Variants in DLC1 observed in about 807,000 individuals in gnomAD.
The protein encoded by DLC1 is DLC1 Rho GTPase activating protein.
DLC1 carries 54 observed loss-of-function variants against 140.3 expected under a neutral mutation model. That is an observed-to-expected ratio of 0.38 (90% CI 0.31 to 0.48). The LOEUF is 0.48. DLC1 is among the 20% of genes least tolerant of loss of function. The pLI, the probability that DLC1 is intolerant of heterozygous loss-of-function variation, is 0.96. For missense variants in DLC1, 2,536 were observed against 1,907.0 expected, an observed-to-expected ratio of 1.33 and a Z score of -6.14; for synonymous variants, 986 against 728.1, an observed-to-expected ratio of 1.35 and a Z score of -5.70.
chr8:13,406,181 GT>G (rs77753653), intron 2 of DLC1, among the ~76,000 whole-genome samples: 48 of 84,946 alleles, frequency 5.7e-4, no homozygotes, highest in Middle Eastern at 7.9e-3. Flanking sequence ...TAATTTTTGT[GT>G]TTTTTTTTTT....
chr8:13,550,730 G>A (rs1013504815), intron 1 of DLC1, among the ~76,000 whole-genome samples: 1 of 152,106 alleles, frequency 6.6e-6, no homozygotes, highest in East Asian at 1.9e-4. Context: ...CATTTAAGAA[G>A]ACCAGTTACT....
chr8:13,521,334 A>G (rs1802759261), intron 1 of DLC1, among the ~76,000 whole-genome samples: 2 of 151,972 alleles, frequency 1.3e-5, no homozygotes, highest in South Asian at 4.2e-4. Flanking sequence ...GATAGGTGTG[A>G]CAAACCACCG....
chr8:13,433,363 T>C lies in DLC1; in HGVS notation c.1024-31744A>G, dbSNP rs1012797367. Reference sequence around the variant, plus strand: ...TCTTTGGAATAGGGTTTGGGGACTGTCACATTTCCACAGTGGAAACTTCTA... The same window carrying C: ...TCTTTGGAATAGGGTTTGGGGACTGCCACATTTCCACAGTGGAAACTTCTA... On this transcript the variant is annotated intron_variant, in intron 2 of 17. Coordinates refer to ENST00000276297, the MANE Select transcript of DLC1 (RefSeq NM_182643.3). Among the ~76,000 whole-genome samples the C allele has an allele frequency of 4.6e-5, 7 of 152,128 alleles. 1 individual carries two copies. The highest frequency in any genetic ancestry group is 1.0e-4 in the Non-Finnish European group (7 of 68,014).
At chr8:13,295,976 A>C (rs1831935298) in intron 5 of DLC1, among the ~76,000 whole-genome samples, 3 of 106,932 alleles carry the variant, frequency 2.8e-5, no homozygotes, top group Non-Finnish European at 5.3e-5. Flanking sequence ...TTTTGGAGAC[A>C]GAGTCTCATT....
intron 5 of DLC1, among the ~76,000 whole-genome samples, chr8:13,148,164 T>C (rs1376153487): frequency 2.6e-5 from 4 of 152,080 alleles, no homozygotes; most frequent in East Asian, 1.9e-4. Context: ...GCAGGTGACA[T>C]AGGTAAACTT....
intron 5 of DLC1, among the ~76,000 whole-genome samples, chr8:13,122,989 T>C (rs749613946): frequency 1.3e-5 from 2 of 152,168 alleles, no homozygotes; most frequent in Admixed American, 6.5e-5. Context: ...CAACTAGGCG[T>C]ACTGCCAGCA....
intron 1 of DLC1, chr8:13,584,427 G>C (rs1195229761): frequency 1.3e-5 from 2 of 152,684 alleles, no homozygotes; most frequent in East Asian, 3.9e-4. Flanking sequence ...ATCTATGGCA[G>C]TGTTGATCAT....
chr8:13,307,673 G>A (rs1245052383), intron 4 of DLC1, among the ~76,000 whole-genome samples: 2 of 152,162 alleles, frequency 1.3e-5, no homozygotes, highest in African/African-American at 2.4e-5. Flanking sequence ...GAATGTTCCT[G>A]GAGAAAGTTC....
At chr8:13,181,444 G>A (rs188868424) in intron 5 of DLC1, among the ~76,000 whole-genome samples, 26 of 150,368 alleles carry the variant, frequency 1.7e-4, no homozygotes, top group African/African-American at 4.4e-4. Flanking sequence ...CCATCAACTC[G>A]TCATTTATAT....
chr8:13,104,150 G>A (rs1215456369), intron 7 of DLC1, among the ~76,000 whole-genome samples: 2 of 151,968 alleles, frequency 1.3e-5, no homozygotes, highest in Non-Finnish European at 2.9e-5. Context: ...TATAGTCACG[G>A]CAAATGATCA....
intron 2 of DLC1, among the ~76,000 whole-genome samples, chr8:13,445,245 T>C (rs1798724658): frequency 6.6e-6 from 1 of 152,168 alleles, no homozygotes; most frequent in Non-Finnish European, 1.5e-5. Context: ...CAGTGGGCAG[T>C]TGGCCACAGA....
At chr8:13,409,397 C>G (rs1171901304) in intron 2 of DLC1, among the ~76,000 whole-genome samples, 1 of 152,100 alleles carries the variant, frequency 6.6e-6, no homozygotes, top group Non-Finnish European at 1.5e-5. Flanking sequence ...GTCATCCTCT[C>G]CCTCATTTGC....
At chr8:13,207,799 A>G (rs1282212062) in intron 5 of DLC1, among the ~76,000 whole-genome samples, 1 of 152,148 alleles carries the variant, frequency 6.6e-6, no homozygotes, top group African/African-American at 2.4e-5. Context: ...ACATCCCATG[A>G]TGTACAGTTC....
At chr8:13,132,890 C>G in intron 5 of DLC1, 1 of 1,555,400 alleles carries the variant, frequency 6.4e-7, no homozygotes, top group South Asian at 1.2e-5. Flanking sequence ...GGCGGGTCCC[C>G]TCCGCAGCCC....
chr8:13,477,160 A>G (rs11203492), intron 2 of DLC1, among the ~76,000 whole-genome samples: 42,863 of 152,086 alleles, frequency 0.28, 6,769 homozygotes, highest in Non-Finnish European at 0.37. Context: ...GCCTTCAAAG[A>G]GCATGTAGTA....
At position 13,168,502 on chromosome 8, in the gene DLC1, C is replaced by A. The variant is rs550812537; in HGVS notation, c.1349-52845G>T. Reference sequence around the variant, plus strand: ...TGTTATGGAAATAAATGAGACAAGTCCCAGAAATTGATTTTATGCTTAAAA... The same window carrying A: ...TGTTATGGAAATAAATGAGACAAGTACCAGAAATTGATTTTATGCTTAAAA... On this transcript the variant is annotated intron_variant, in intron 5 of 17. Transcript: ENST00000276297. Among the ~76,000 whole-genome samples, 469 of 152,160 alleles carry A rather than the reference C, an allele frequency of 3.1e-3. 4 individuals are homozygous for A. The highest frequency in any genetic ancestry group is 0.011 in the African/African-American group (446 of 41,492).
At chr8:13,199,793 G>A (rs2117061229) in intron 5 of DLC1, among the ~76,000 whole-genome samples, 1 of 152,212 alleles carries the variant, frequency 6.6e-6, no homozygotes, top group Non-Finnish European at 1.5e-5. Context: ...GAAACTAGAT[G>A]TTCCATCTCA....
At chr8:13,361,033 C>A (rs1835202227) in intron 4 of DLC1, among the ~76,000 whole-genome samples, 1 of 152,022 alleles carries the variant, frequency 6.6e-6, no homozygotes, top group South Asian at 2.1e-4. Context: ...GAGTTCAAGT[C>A]CAGCTTGGGC....
intron 4 of DLC1, among the ~76,000 whole-genome samples, chr8:13,369,867 G>A (rs376800474): frequency 2.0e-5 from 3 of 149,792 alleles, no homozygotes; most frequent in African/African-American, 7.4e-5. Context: ...CCCTCCCCTG[G>A]CTTCTCATCT....
Sources: allele counts gnomAD v4.1 joint callset (sites outside exome capture counted in the v4.1 genomes callset), GRCh38; gene constraint gnomAD v4.1.1; transcripts MANE v1.5; gene names NCBI Gene and HGNC (gene_info 2026-07-23, HGNC 2026-07-21).